The following NTM variants were observed in gnomAD, a reference collection of about 807,000 sequenced individuals.
The protein encoded by NTM is neurotrimin.
Under a neutral mutation model 42.1 loss-of-function variants are expected in NTM, and 13 were observed. The observed-to-expected ratio is 0.31, with a 90% CI of 0.20 to 0.49. The LOEUF (loss-of-function observed/expected upper bound fraction) is 0.49, where lower values mean the gene tolerates loss of function less well. Ranked by LOEUF, NTM falls within the 20% of genes least tolerant of loss-of-function variation. NTM has a pLI of 0.99. For synonymous variants in NTM, 187 were observed against 179.2 expected (o/e 1.04, Z -0.35); for missense variants, 373 against 452.8 (o/e 0.82, Z 1.60).
At chr11:131,419,591 G>A (rs996535912) in intron 1 of NTM, among the ~76,000 whole-genome samples, 3 of 152,168 alleles carry the variant, frequency 2.0e-5, no homozygotes, top group Non-Finnish European at 4.4e-5. Flanking sequence ...ACTGAAAGAA[G>A]CCATCGTGGC....
At chr11:132,017,270 G>A (rs1278707560) in intron 2 of NTM, among the ~76,000 whole-genome samples, 4 of 151,848 alleles carry the variant, frequency 2.6e-5, no homozygotes, top group Non-Finnish European at 4.4e-5. Flanking sequence ...CACAATGTTA[G>A]TTCATACATG....
intron 1 of NTM, among the ~76,000 whole-genome samples, chr11:131,373,213 C>T (rs1474386175): frequency 6.6e-6 from 1 of 152,228 alleles, no homozygotes; most frequent in African/African-American, 2.4e-5. Context: ...ATCAAACTTG[C>T]AGAATTACTG....
intron 2 of NTM, among the ~76,000 whole-genome samples, chr11:132,059,441 C>A (rs71485712): frequency 1.3e-5 from 2 of 152,170 alleles, no homozygotes; most frequent in Non-Finnish European, 2.9e-5. Flanking sequence ...GAGAGCAGGG[C>A]GAGGCCTTAG....
chr11:131,799,544 A>T (rs1008886030), intron 1 of NTM, among the ~76,000 whole-genome samples: 1 of 152,208 alleles, frequency 6.6e-6, no homozygotes, highest in Admixed American at 6.5e-5. Flanking sequence ...GCCCCTGAAG[A>T]TCACAGGGAA....
intron 1 of NTM, among the ~76,000 whole-genome samples, chr11:131,460,779 C>T (rs1951303737): frequency 2.0e-5 from 3 of 152,128 alleles, no homozygotes. Flanking sequence ...GTCTCAAACT[C>T]CTGACCTCAA....
intron 1 of NTM, among the ~76,000 whole-genome samples, chr11:131,497,755 A>G (rs1377825061): frequency 6.6e-6 from 1 of 152,146 alleles, no homozygotes. Context: ...TTTGTTCTTC[A>G]TTTTAAAGCT....
chr11:131,793,360 C>T (rs142067289), intron 1 of NTM, among the ~76,000 whole-genome samples: 1 of 152,178 alleles, frequency 6.6e-6, no homozygotes, highest in African/African-American at 2.4e-5. Context: ...ATCCTCAGCA[C>T]TTAATATTTA....
chr11:132,195,855 G>C (rs1237882653), intron 3 of NTM, among the ~76,000 whole-genome samples: 1 of 152,078 alleles, frequency 6.6e-6, no homozygotes, highest in Non-Finnish European at 1.5e-5. Context: ...AAAAACCCTT[G>C]AAAACAAACC....
At chr11:131,686,726 T>A (rs1056576006) in intron 1 of NTM, among the ~76,000 whole-genome samples, 1 of 152,212 alleles carries the variant, frequency 6.6e-6, no homozygotes, top group African/African-American at 2.4e-5. Context: ...CATGGCTCAG[T>A]CCCACCTGAA....
At chr11:132,064,826 A>G (rs1332118199) in intron 2 of NTM, among the ~76,000 whole-genome samples, 2 of 152,200 alleles carry the variant, frequency 1.3e-5, no homozygotes, top group Non-Finnish European at 2.9e-5. Flanking sequence ...GGGTCAGAAC[A>G]TCATACCTCA....
chr11:132,208,587 C>G (rs554038327), intron 3 of NTM, among the ~76,000 whole-genome samples: 1 of 152,304 alleles, frequency 6.6e-6, no homozygotes, highest in East Asian at 1.9e-4. Context: ...ACTGCACTGA[C>G]AGCTCTGGCC....
At chr11:132,133,007 A>G (rs957734490) in intron 2 of NTM, among the ~76,000 whole-genome samples, 65 of 152,340 alleles carry the variant, frequency 4.3e-4, no homozygotes, top group African/African-American at 1.5e-3. Context: ...AAAGACTATT[A>G]CTAATTTTGG....
At chr11:131,473,807 G>A (rs1231562346) in intron 1 of NTM, among the ~76,000 whole-genome samples, 2 of 152,108 alleles carry the variant, frequency 1.3e-5, no homozygotes, top group African/African-American at 2.4e-5. Context: ...AGAGGATGAG[G>A]TAGCCCTCTC....
chr11:131,972,107 G>A (rs1015395565), intron 2 of NTM, among the ~76,000 whole-genome samples: 1 of 150,562 alleles, frequency 6.6e-6, no homozygotes, highest in Non-Finnish European at 1.5e-5. Context: ...TAGCTACTTG[G>A]GAGGCTGAGG....
Position 131,589,638 on chromosome 11 carries a change from G to A in NTM, c.82+218750G>A, listed in dbSNP as rs762196686. On this transcript the variant is annotated intron_variant, in intron 1 of 8. Coordinates refer to ENST00000683400, the MANE Select transcript of NTM (RefSeq NM_001352005.2). ...TGCCTTTCATGTCCTAGGTTTGAAG[G>A]TGATGTGTACATGGCAGAGAGACAC... 5.9e-5 allele frequency among the ~76,000 whole-genome samples: 9 copies of A among 152,250 alleles called. No individual in the cohort carries two copies. In the South Asian group the frequency reaches 1.7e-3, roughly 28 times the overall value.
intron 1 of NTM, among the ~76,000 whole-genome samples, chr11:131,657,012 G>A (rs1027311302): frequency 6.6e-6 from 1 of 152,070 alleles, no homozygotes; most frequent in African/African-American, 2.4e-5. Context: ...AACTGAGGGG[G>A]TTAACCAAGT....
At chr11:131,824,657 C>T (rs1351266255) in intron 1 of NTM, among the ~76,000 whole-genome samples, 3 of 152,168 alleles carry the variant, frequency 2.0e-5, no homozygotes, top group Non-Finnish European at 4.4e-5. Context: ...AGACATTACA[C>T]TGGTCAAAGA....
intron 1 of NTM, among the ~76,000 whole-genome samples, chr11:131,735,285 G>T (rs2080268367): frequency 6.6e-6 from 1 of 152,130 alleles, no homozygotes; most frequent in Non-Finnish European, 1.5e-5. Flanking sequence ...TTTAAATGGG[G>T]TTCCCACTTC....
intron 2 of NTM, among the ~76,000 whole-genome samples, chr11:132,102,986 A>G (rs1390566966): frequency 6.6e-6 from 1 of 152,234 alleles, no homozygotes; most frequent in Non-Finnish European, 1.5e-5. Context: ...TGGACTGGAA[A>G]GGCCACAGGT....
Sources: gnomAD v4.1 joint callset for allele counts (sites outside exome capture counted in the v4.1 genomes callset) on GRCh38, gnomAD v4.1.1 for gene constraint, MANE v1.5 for transcripts, NCBI Gene and HGNC (gene_info 2026-07-23, HGNC 2026-07-21) for gene names.